Variants in CDH18 observed in about 807,000 individuals in gnomAD.
The protein encoded by CDH18 is cadherin 18.
In CDH18, 31 loss-of-function variants were observed where a neutral mutation model predicts 67.9. The ratio of observed to expected loss-of-function variants is 0.46; its 90% CI spans 0.34 to 0.62. CDH18 has a LOEUF of 0.62. Among genes scored for constraint, CDH18 ranks in the 20% least tolerant of loss-of-function variants. The pLI, the probability that CDH18 is intolerant of heterozygous loss-of-function variation, is 0.01. For missense variants in CDH18, 890 were observed against 975.5 expected (o/e 0.91, Z 1.17); for synonymous variants, 362 against 347.2 (o/e 1.04, Z -0.48).
At chr5:20,341,728 A>G (rs897256392) in intron 1 of CDH18, among the ~76,000 whole-genome samples, 13 of 152,014 alleles carry the variant, frequency 8.6e-5, no homozygotes, top group Admixed American at 5.9e-4. Context: ...TGGCTGCTTA[A>G]TGTGAGTAGA....
At chr5:19,738,956 G>A (rs1041881556) in intron 4 of CDH18, among the ~76,000 whole-genome samples, 1 of 152,170 alleles carries the variant, frequency 6.6e-6, no homozygotes, top group South Asian at 2.1e-4. Context: ...AGAGTAAAAT[G>A]CAATCTAGTA....
chr5:19,758,049 G>A (rs1214838592), intron 3 of CDH18, among the ~76,000 whole-genome samples: 1 of 152,166 alleles, frequency 6.6e-6, no homozygotes, highest in African/African-American at 2.4e-5. Flanking sequence ...AGTGCAGACT[G>A]GGGAAGAGAA....
intron 1 of CDH18, among the ~76,000 whole-genome samples, chr5:20,522,288 A>AT (rs1755792949): frequency 6.6e-6 from 1 of 152,174 alleles, no homozygotes; most frequent in Non-Finnish European, 1.5e-5. Flanking sequence ...CTGATGTTTT[A>AT]TTACAGTACC....
At chr5:19,805,330 T>A (rs1240018182) in intron 3 of CDH18, among the ~76,000 whole-genome samples, 3 of 152,190 alleles carry the variant, frequency 2.0e-5, no homozygotes, top group African/African-American at 7.2e-5. Flanking sequence ...CTCCTTTGTC[T>A]ACTATGATTT....
At chr5:19,842,111 T>C (rs1782383875) in intron 2 of CDH18, among the ~76,000 whole-genome samples, 1 of 152,208 alleles carries the variant, frequency 6.6e-6, no homozygotes, top group Admixed American at 6.5e-5. Flanking sequence ...ACCAATACAA[T>C]AGAAATATGT....
chr5:19,886,980 T>C (rs1363344830), intron 2 of CDH18, among the ~76,000 whole-genome samples: 1 of 152,112 alleles, frequency 6.6e-6, no homozygotes, highest in Non-Finnish European at 1.5e-5. Context: ...CCAATATTTA[T>C]TTATGCATAC....
intron 10 of CDH18, among the ~76,000 whole-genome samples, chr5:19,504,983 T>C (rs1169235296): frequency 6.6e-6 from 1 of 152,164 alleles, no homozygotes; most frequent in Non-Finnish European, 1.5e-5. Context: ...TTTCTTAATA[T>C]TTTTACAAAT....
intron 1 of CDH18, among the ~76,000 whole-genome samples, chr5:20,516,319 G>A (rs1011932943): frequency 6.6e-6 from 1 of 151,844 alleles, no homozygotes; most frequent in Non-Finnish European, 1.5e-5. Flanking sequence ...GAGAAACACT[G>A]GAGTGTGGAA....
intron 2 of CDH18, among the ~76,000 whole-genome samples, chr5:20,116,043 C>G (rs1047021047): frequency 6.6e-6 from 1 of 152,094 alleles, no homozygotes; most frequent in African/African-American, 2.4e-5. Flanking sequence ...ACTTTTGCAC[C>G]AATTTAATGG....
chr5:19,557,578 A>G (rs1211495460), intron 8 of CDH18, among the ~76,000 whole-genome samples: 1 of 152,012 alleles, frequency 6.6e-6, no homozygotes, highest in Non-Finnish European at 1.5e-5. Context: ...CCAACAGAAA[A>G]AAAAATTCAC....
intron 2 of CDH18, among the ~76,000 whole-genome samples, chr5:20,132,016 T>C (rs530618814): frequency 3.4e-4 from 51 of 152,212 alleles, no homozygotes; most frequent in African/African-American, 1.2e-3. Context: ...GCTTCCCAAG[T>C]AGCTGAGATT....
chr5:20,525,581 T>C (rs80035465), intron 1 of CDH18, among the ~76,000 whole-genome samples: 3 of 152,274 alleles, frequency 2.0e-5, no homozygotes, highest in Non-Finnish European at 4.4e-5. Flanking sequence ...GGCAGCTTAC[T>C]AGCCAGGAGA....
At chr5:20,060,026 A>T (rs558748708) in intron 2 of CDH18, among the ~76,000 whole-genome samples, 1 of 152,258 alleles carries the variant, frequency 6.6e-6, no homozygotes, top group East Asian at 1.9e-4. Context: ...CCTAATGTAG[A>T]TGGTGGATTG....
chr5:19,684,847 T>G (rs1760843756), intron 5 of CDH18, among the ~76,000 whole-genome samples: 1 of 152,120 alleles, frequency 6.6e-6, no homozygotes, highest in African/African-American at 2.4e-5. Context: ...AAATGTGTCG[T>G]CAAGTATCTT....
At chr5:19,699,678 ATCTC>A (rs979653006) in intron 5 of CDH18, among the ~76,000 whole-genome samples, 3 of 146,632 alleles carry the variant, frequency 2.0e-5, no homozygotes, top group Admixed American at 6.9e-5. Flanking sequence ...CTATCTCTTC[ATCTC>A]TCTCTCTGCC....
chr5:19,527,878 A>G (rs1240660240), intron 9 of CDH18, among the ~76,000 whole-genome samples: 3 of 151,694 alleles, frequency 2.0e-5, no homozygotes, highest in Non-Finnish European at 3.0e-5. Context: ...AAATCCTCCA[A>G]TAATTCCTTA....
chr5:20,141,882 A>G (rs1750271266), intron 2 of CDH18, among the ~76,000 whole-genome samples: 1 of 152,068 alleles, frequency 6.6e-6, no homozygotes, highest in African/African-American at 2.4e-5. Context: ...TTATTCTAAT[A>G]TTACTATTAA....
intron 5 of CDH18, among the ~76,000 whole-genome samples, chr5:19,656,280 T>C (rs1489227092): frequency 1.3e-5 from 2 of 152,090 alleles, no homozygotes; most frequent in Non-Finnish European, 2.9e-5. Flanking sequence ...CTAGTGATAA[T>C]AATAATTCGT....
At chr5:20,377,313 A>C (rs1346887944) in intron 1 of CDH18, among the ~76,000 whole-genome samples, 1 of 152,226 alleles carries the variant, frequency 6.6e-6, no homozygotes, top group African/African-American at 2.4e-5. Flanking sequence ...TATTTTGTAC[A>C]AACTAACATA....
Sources: gnomAD v4.1 joint callset for allele counts (sites outside exome capture counted in the v4.1 genomes callset) on GRCh38, gnomAD v4.1.1 for gene constraint, MANE v1.5 for transcripts, NCBI Gene and HGNC (gene_info 2026-07-23, HGNC 2026-07-21) for gene names.